SPTAN1: variants seen among roughly 807,000 people sequenced by gnomAD.
SPTAN1 encodes the protein spectrin alpha, non-erythrocytic 1.
SPTAN1 carries 61 observed loss-of-function variants against 331.3 expected under a neutral mutation model. That is an observed-to-expected ratio of 0.18 (90% CI 0.15 to 0.23). The LOEUF is 0.23. SPTAN1 is among the 10% of genes least tolerant of loss of function. SPTAN1 has a pLI of 1.00. For synonymous variants in SPTAN1, 1,153 were observed against 1,173.9 expected, an observed-to-expected ratio of 0.98 and a Z score of 0.36; for missense variants, 2,043 against 3,147.9, an observed-to-expected ratio of 0.65 and a Z score of 8.40.
chr9:128,610,258 T>C (rs1356888416), intron 37 of SPTAN1, among the ~76,000 whole-genome samples: 1 of 152,224 alleles, frequency 6.6e-6, no homozygotes, highest in Non-Finnish European at 1.5e-5. Context: ...TCAGTCAACA[T>C]GTAGCTCAAA....
At chr9:128,566,213 T>C (rs895597389) in intron 1 of SPTAN1, among the ~76,000 whole-genome samples, 32 of 152,250 alleles carry the variant, frequency 2.1e-4, no homozygotes, top group African/African-American at 7.2e-4. Flanking sequence ...CACACCACCA[T>C]GCCCAGCTAT....
chr9:128,633,177 T>G, intron 56 of SPTAN1, 32 bp from the exon 57 acceptor site: 1 of 1,613,718 alleles, frequency 6.2e-7, no homozygotes, highest in Non-Finnish European at 8.5e-7. Flanking sequence ...TGCAGCTGGC[T>G]CAGGCACCAG....
At chr9:128,559,958 C>T (rs1465376388) in intron 1 of SPTAN1, among the ~76,000 whole-genome samples, 1 of 152,042 alleles carries the variant, frequency 6.6e-6, no homozygotes. Flanking sequence ...TGGTTTCAAA[C>T]TCCTGACCTC....
Position 128,629,886 on chromosome 9 carries a change from C to T in SPTAN1, c.6708-435C>T, listed in dbSNP as rs990024376. 1.4e-5 allele frequency: 5 copies of T among 347,146 alleles called. No individual in the cohort carries two copies. In the Admixed American group the frequency reaches 1.5e-4, roughly 11 times the overall value. 21.5% of individuals were successfully genotyped at this position (347,146 alleles called of 1,614,324 possible). A position where few individuals can be genotyped will look rare whatever the true frequency, so the allele number is the denominator to read the frequency against. On this transcript the variant is annotated intron_variant, in intron 51 of 56. Transcript: ENST00000372739. This position sits in a 1 kb window ranked among gnomAD's most constrained non-coding sequence, Gnocchi z 4.9. Reference sequence around the variant, plus strand: ...CCTCAGGAACCTTGCCGGGACACTCCAGGGTTTCTGTGGGGAGGCTGTCAG... The same window carrying T: ...CCTCAGGAACCTTGCCGGGACACTCTAGGGTTTCTGTGGGGAGGCTGTCAG...
Position 128,633,659 on chromosome 9 carries a change from C to CA in SPTAN1, c.*328dup. The CA allele has an allele frequency of 2.0e-6, 3 of 1,464,166 alleles. No homozygotes were observed. The highest frequency in any genetic ancestry group is 2.5e-5 in the South Asian group (2 of 80,954). The allele number at this position is 1,464,166 out of a possible 1,614,324, so 90.7% of individuals were successfully genotyped here. A position where few individuals can be genotyped will look rare whatever the true frequency, so the allele number is the denominator to read the frequency against. On this transcript the variant is annotated 3_prime_UTR_variant, in exon 57 of 57. Coordinates refer to ENST00000372739, the MANE Select transcript of SPTAN1 (RefSeq NM_001130438.3). ...AAGACAAATAAATGATGACTTCCCC[C>CA]AAAGCTTTGCTTTTCTTCATTTGGC...
At chr9:128,612,956 C>T (rs753469846) in intron 39 of SPTAN1, among the ~76,000 whole-genome samples, 1 of 151,584 alleles carries the variant, frequency 6.6e-6, no homozygotes, top group Non-Finnish European at 1.5e-5. Flanking sequence ...TTAATAATTG[C>T]GTAAGTTTAT....
chr9:128,582,581 C>T (rs1329497617), intron 13 of SPTAN1, 25 bp downstream of exon 13: 2 of 1,612,676 alleles, frequency 1.2e-6, no homozygotes, highest in East Asian at 2.2e-5. Flanking sequence ...TCTTCATGCT[C>T]CTCCTTTTTG....
At position 128,627,291 on chromosome 9, in the gene SPTAN1, TG is replaced by T; in HGVS notation, c.6577-91del. ...CTCTCATCTTTGGGGAGGTTCCTTG[TG>T]GGGAGGCCACCACCACCCTGAGCCC... On this transcript the variant is annotated intron_variant, in intron 49 of 56. Coordinates refer to ENST00000372739, the MANE Select transcript of SPTAN1 (RefSeq NM_001130438.3). This position sits in a 1 kb window ranked among gnomAD's most constrained non-coding sequence, Gnocchi z 4.9. 1.8e-6 allele frequency: 2 copies of T among 1,108,884 alleles called. No homozygotes were observed. The highest frequency in any genetic ancestry group is 2.6e-6 in the Non-Finnish European group (2 of 755,270). The allele number at this position is 1,108,884 out of a possible 1,614,324, so 68.7% of individuals were successfully genotyped here. A position where few individuals can be genotyped will look rare whatever the true frequency, so the allele number is the denominator to read the frequency against.
intron 13 of SPTAN1, 62 bp downstream of exon 13, chr9:128,582,618 T>C (rs1188753487): frequency 1.2e-6 from 2 of 1,610,916 alleles, no homozygotes; most frequent in African/African-American, 2.7e-5. Context: ...TCTAAGATGT[T>C]CCAGTTAAGT....
At chr9:128,566,004 C>T (rs888190889) in intron 1 of SPTAN1, among the ~76,000 whole-genome samples, 5 of 152,086 alleles carry the variant, frequency 3.3e-5, no homozygotes, top group Non-Finnish European at 4.4e-5. Flanking sequence ...AGCTTTTTGG[C>T]GTTAATCTGT....
intron 36 of SPTAN1, 100 bp from the exon 37 acceptor site, chr9:128,609,551 T>C: frequency 9.3e-7 from 1 of 1,077,348 alleles, no homozygotes; most frequent in Non-Finnish European, 1.3e-6. Flanking sequence ...AATGCTGAGC[T>C]TCCTGGGGGA....
chr9:128,594,390 G>C lies in SPTAN1; in HGVS notation c.3414+17G>C. Reference sequence around the variant, plus strand: ...TTCCAGAAGGTATGGGCAGTCTTCAGGCTCAGCTGAAAATTTGTTTAAAGA... The same window carrying C: ...TTCCAGAAGGTATGGGCAGTCTTCACGCTCAGCTGAAAATTTGTTTAAAGA... On this transcript the variant is annotated intron_variant, in intron 24 of 56. Transcript: ENST00000372739. 1 of 1,601,726 alleles carries C rather than the reference G, an allele frequency of 6.2e-7. No homozygotes were observed. The highest frequency in any genetic ancestry group is 8.5e-7 in the Non-Finnish European group (1 of 1,170,198).
chr9:128,613,443 G>A lies in SPTAN1; in HGVS notation c.5106G>A (p.Leu1702=), dbSNP rs373491498. 5.4e-5 allele frequency: 87 copies of A among 1,614,046 alleles called. No individual in the cohort carries two copies. The African/African-American group carries it at 9.5e-4, about 18-fold the overall frequency. Residue 1702 remains leucine, a synonymous_variant, in exon 40 of 57, where the codon CTG becomes CTA. Coordinates refer to ENST00000372739, the MANE Select transcript of SPTAN1 (RefSeq NM_001130438.3). Reference sequence around the variant, plus strand: ...ACCTAGCTTCTGTGAACAACCTGCTGAAAAAGCATCAACTGCTGGAAGCAG... The same window carrying A: ...ACCTAGCTTCTGTGAACAACCTGCTAAAAAAGCATCAACTGCTGGAAGCAG... ...GKDLASVNNL[L]KKHQLLEADI... is the part of the protein sequence containing the mutation.
At chr9:128,604,226 G>A in intron 28 of SPTAN1, 100 bp from the exon 29 acceptor site, 1 of 1,168,294 alleles carries the variant, frequency 8.6e-7, no homozygotes, top group Admixed American at 1.9e-5. Flanking sequence ...AATTATATAT[G>A]CCCTAGCATC....
rs940294661 is a variant in SPTAN1, at chr9:128,625,397, G to A, written c.6069+218G>A. On this transcript the variant is annotated intron_variant, in intron 47 of 56. Transcript: ENST00000372739. This position sits in a 1 kb window ranked among gnomAD's most constrained non-coding sequence, Gnocchi z 4.1. ...GCCTGCTGGGTGCTGACGGGACTGG[G>A]CACTGCAGGAGCACTCACTCAGTTT... 3.3e-5 allele frequency among the ~76,000 whole-genome samples: 5 copies of A among 152,212 alleles called. No individual in the cohort carries two copies. The highest frequency in any genetic ancestry group is 3.9e-4 in the East Asian group (2 of 5,192).
chr9:128,599,368 C>T lies in SPTAN1; in HGVS notation c.3543+382C>T, dbSNP rs1362979040. 3.9e-5 allele frequency: 11 copies of T among 283,454 alleles called. No homozygotes were observed. In the Admixed American group the frequency reaches 5.0e-4, roughly 13 times the overall value. 17.6% of individuals were successfully genotyped at this position (283,454 alleles called of 1,614,324 possible). A position where few individuals can be genotyped will look rare whatever the true frequency, so the allele number is the denominator to read the frequency against. ...CAGGCTGGTCTCGAACTCCCAACCTCAGGTGATCTGCCCACCTCAGCTTCC... is the reference window on the plus strand; with the variant it reads ...CAGGCTGGTCTCGAACTCCCAACCTTAGGTGATCTGCCCACCTCAGCTTCC... On this transcript the variant is annotated intron_variant, in intron 26 of 56. Transcript: ENST00000372739.
intron 27 of SPTAN1, among the ~76,000 whole-genome samples, chr9:128,603,005 AAATGTACGTTG>A (rs1855373125): frequency 1.3e-5 from 2 of 152,164 alleles, no homozygotes; most frequent in African/African-American, 4.8e-5. Context: ...TACGTTGTTG[AAATGTACGTTG>A]TTGAAAGCTA....
At chr9:128,560,853 C>A (rs900467050) in intron 1 of SPTAN1, among the ~76,000 whole-genome samples, 1 of 150,118 alleles carries the variant, frequency 6.7e-6, no homozygotes, top group African/African-American at 2.5e-5. Context: ...CCAATCTCTA[C>A]AAAAGTACAA....
At chr9:128,580,431 A>T (rs1429888044) in intron 10 of SPTAN1, among the ~76,000 whole-genome samples, 1 of 151,798 alleles carries the variant, frequency 6.6e-6, no homozygotes, top group Non-Finnish European at 1.5e-5. Context: ...ATAAATAATG[A>T]TTTATATGAT....
Sources: allele counts gnomAD v4.1 joint callset (sites outside exome capture counted in the v4.1 genomes callset), GRCh38; gene constraint gnomAD v4.1.1; non-coding constraint Gnocchi (gnomAD v3.1); transcripts MANE v1.5; gene names NCBI Gene and HGNC (gene_info 2026-07-23, HGNC 2026-07-21).